UNC5D: variants seen among roughly 807,000 people sequenced by gnomAD.
The protein encoded by UNC5D is unc-5 netrin receptor D.
A neutral mutation model predicts 105.4 loss-of-function variants in UNC5D; 39 were observed. The ratio of observed to expected loss-of-function variants is 0.37; its 90% CI spans 0.29 to 0.48. The LOEUF (loss-of-function observed/expected upper bound fraction) is 0.48. Ranked by LOEUF, UNC5D falls within the 20% of genes least tolerant of loss-of-function variation. The probability of loss-of-function intolerance (pLI) is 0.98; values close to 1 mark genes in which losing one functional copy is unlikely to be tolerated. For missense variants in UNC5D, 991 were observed against 1,202.4 expected (o/e 0.82, Z 2.60); for synonymous variants, 452 against 450.4 (o/e 1.00, Z -0.04).
At chr8:35,604,376 C>T (rs1820122217) in intron 4 of UNC5D, among the ~76,000 whole-genome samples, 1 of 152,198 alleles carries the variant, frequency 6.6e-6, no homozygotes, top group Non-Finnish European at 1.5e-5. Flanking sequence ...TTGGCCCCCA[C>T]CCTCTTCTGG....
At chr8:35,706,049 A>T in intron 8 of UNC5D, 88 bp downstream of exon 8, 1 of 892,100 alleles carries the variant, frequency 1.1e-6, no homozygotes. Flanking sequence ...GCAGAATTGA[A>T]GTTCCTATGA....
chr8:35,742,481 G>C (rs1829812134), intron 11 of UNC5D, among the ~76,000 whole-genome samples: 1 of 152,106 alleles, frequency 6.6e-6, no homozygotes. Context: ...CCCAGGGTCT[G>C]ACATAGTAAA....
chr8:35,341,390 C>T (rs1318961738), intron 1 of UNC5D, among the ~76,000 whole-genome samples: 1 of 151,234 alleles, frequency 6.6e-6, no homozygotes, highest in Non-Finnish European at 1.5e-5. Flanking sequence ...TTCACATTTA[C>T]GGTAGTGATC....
chr8:35,508,786 A>G (rs960436923), intron 1 of UNC5D, among the ~76,000 whole-genome samples: 6 of 152,186 alleles, frequency 3.9e-5, no homozygotes, highest in Admixed American at 3.9e-4. Context: ...AGCTCGGCAG[A>G]GCTGAGAGGG....
intron 11 of UNC5D, among the ~76,000 whole-genome samples, chr8:35,745,759 C>G (rs1284828421): frequency 6.6e-6 from 1 of 152,196 alleles, no homozygotes; most frequent in Non-Finnish European, 1.5e-5. Context: ...AAAGGTTTTT[C>G]AGTCTACAGA....
chr8:35,695,272 G>T (rs974288695), intron 7 of UNC5D, among the ~76,000 whole-genome samples: 1 of 152,172 alleles, frequency 6.6e-6, no homozygotes, highest in African/African-American at 2.4e-5. Context: ...CCTCTGCTCA[G>T]CTGGTAGGAT....
In UNC5D at chr8:35,670,576, G is replaced by A. The variant is rs1346698676; in HGVS notation, c.571-12971G>A. 3.3e-5 allele frequency among the ~76,000 whole-genome samples: 5 copies of A among 152,138 alleles called. No homozygotes were observed. In the South Asian group the frequency reaches 1.0e-3, roughly 32 times the overall value. ...CTTTGCAGGGACATGGATGGAGCTG[G>A]AAGACATTATCCTCAGCAAACTAAC... is the stretch of plus-strand genomic sequence containing the variant. On this transcript the variant is annotated intron_variant, in intron 4 of 16. Coordinates refer to ENST00000404895, the MANE Select transcript of UNC5D (RefSeq NM_080872.4).
intron 1 of UNC5D, among the ~76,000 whole-genome samples, chr8:35,335,845 G>A (rs1585613028): frequency 7.4e-6 from 1 of 135,180 alleles, no homozygotes; most frequent in Admixed American, 8.9e-5. Context: ...CTCACTGCAA[G>A]CTCCGCCTCC....
At chr8:35,307,491 A>G (rs1382423025) in intron 1 of UNC5D, among the ~76,000 whole-genome samples, 1 of 152,154 alleles carries the variant, frequency 6.6e-6, no homozygotes, top group African/African-American at 2.4e-5. Context: ...GACTGGTACT[A>G]GTTACTAATG....
intron 1 of UNC5D, among the ~76,000 whole-genome samples, chr8:35,506,697 T>G (rs1812325240): frequency 6.6e-6 from 1 of 152,180 alleles, no homozygotes; most frequent in Non-Finnish European, 1.5e-5. Context: ...GACATATATC[T>G]AGGAGTCTGA....
intron 1 of UNC5D, among the ~76,000 whole-genome samples, chr8:35,527,982 A>G (rs1234304250): frequency 2.6e-5 from 4 of 151,884 alleles, no homozygotes; most frequent in Admixed American, 1.3e-4. Flanking sequence ...GGAAGGATAC[A>G]ATATTTAATC....
intron 1 of UNC5D, among the ~76,000 whole-genome samples, chr8:35,416,979 A>G (rs1200892562): frequency 6.6e-6 from 1 of 152,150 alleles, no homozygotes; most frequent in Non-Finnish European, 1.5e-5. Flanking sequence ...AGATGTACAT[A>G]TTTATCAAGT....
chr8:35,713,887 A>G (rs1828104797), intron 8 of UNC5D, among the ~76,000 whole-genome samples: 1 of 152,204 alleles, frequency 6.6e-6, no homozygotes. Context: ...GAAGTGGGTA[A>G]ACAGCATGAA....
intron 1 of UNC5D, among the ~76,000 whole-genome samples, chr8:35,420,025 G>C (rs1003849195): frequency 3.9e-5 from 6 of 152,068 alleles, no homozygotes; most frequent in African/African-American, 1.2e-4. Context: ...TTGGTCCATG[G>C]GTGGGCCTGG....
At chr8:35,615,733 T>C (rs1186191525) in intron 4 of UNC5D, among the ~76,000 whole-genome samples, 2 of 152,150 alleles carry the variant, frequency 1.3e-5, no homozygotes, top group Non-Finnish European at 2.9e-5. Context: ...CTCTTCAGGA[T>C]AGGAAATGCA....
At chr8:35,372,668 A>G (rs1802491840) in intron 1 of UNC5D, among the ~76,000 whole-genome samples, 1 of 152,142 alleles carries the variant, frequency 6.6e-6, no homozygotes, top group African/African-American at 2.4e-5. Context: ...CAGTGGCACA[A>G]TCCTAGCTTA....
rs1023745970 is a variant in UNC5D at position 35,691,204 on chromosome 8, G to C, written c.1084+4495G>C. Among the ~76,000 whole-genome samples, 18 of 152,156 alleles carry C rather than the reference G, an allele frequency of 1.2e-4. 1 individual carries two copies. The highest frequency in any genetic ancestry group is 2.5e-4 in the Non-Finnish European group (17 of 68,040). Reference sequence around the variant, plus strand: ...TGCTCTCAACAAGAAAATAAATACGGCTGGCACAGTGGCTTATGCCTTTTA... The same window carrying C: ...TGCTCTCAACAAGAAAATAAATACGCCTGGCACAGTGGCTTATGCCTTTTA... On this transcript the variant is annotated intron_variant, in intron 7 of 16. Transcript: ENST00000404895.
chr8:35,290,688 C>G (rs1806986285), intron 1 of UNC5D, among the ~76,000 whole-genome samples: 1 of 152,000 alleles, frequency 6.6e-6, no homozygotes, highest in African/African-American at 2.4e-5. Flanking sequence ...GTGGTTCATG[C>G]CTGTAATCCC....
At chr8:35,573,725 G>T (rs1817905067) in intron 3 of UNC5D, among the ~76,000 whole-genome samples, 1 of 151,364 alleles carries the variant, frequency 6.6e-6, no homozygotes, top group African/African-American at 2.4e-5. Flanking sequence ...TGGTCCAGTT[G>T]TGTGTGTGTG....
Sources: allele counts gnomAD v4.1 joint callset (sites outside exome capture counted in the v4.1 genomes callset), GRCh38; gene constraint gnomAD v4.1.1; transcripts MANE v1.5; gene names NCBI Gene and HGNC (gene_info 2026-07-23, HGNC 2026-07-21).